The following ADIPOR2 variants were observed in gnomAD, a reference collection of about 807,000 sequenced individuals.
ADIPOR2 encodes the protein adiponectin receptor protein 2.
A neutral mutation model predicts 40.9 loss-of-function variants in ADIPOR2; 18 were observed. The observed-to-expected ratio is 0.44, with a 90% confidence interval of 0.30 to 0.65. The LOEUF (loss-of-function observed/expected upper bound fraction) is 0.65, where lower values mean the gene tolerates loss of function less well. ADIPOR2 is among the 30% of genes least tolerant of loss of function. ADIPOR2 has a pLI of 0.09. For missense variants in ADIPOR2, 283 were observed against 479.2 expected (o/e 0.59, Z 3.82); for synonymous variants, 165 against 166.4 (o/e 0.99, Z 0.06).
chr12:1,770,487 G>A (rs561727968), intron 2 of ADIPOR2, among the ~76,000 whole-genome samples: 57 of 151,968 alleles, frequency 3.8e-4, no homozygotes, highest in South Asian at 3.7e-3. Context: ...TTTTAAAATC[G>A]GTCTGCTATA....
intron 1 of ADIPOR2, among the ~76,000 whole-genome samples, chr12:1,718,834 AGGGTGATAAGCTAGGAC>A (rs2094692555): frequency 6.6e-6 from 1 of 152,164 alleles, no homozygotes; most frequent in Admixed American, 6.5e-5. Context: ...CTAGTGGGGT[AGGGTGATAAGCTAGGAC>A]GGGTTCCTTG....
chr12:1,699,846 A>G (rs1050418590), intron 1 of ADIPOR2, among the ~76,000 whole-genome samples: 1 of 152,218 alleles, frequency 6.6e-6, no homozygotes, highest in Non-Finnish European at 1.5e-5. Context: ...GGATTTGTTT[A>G]ACATTACTTA....
At chr12:1,780,765 A>G (rs1210933621) in intron 5 of ADIPOR2, 124 bp from the exon 6 acceptor site, 9 of 1,364,100 alleles carry the variant, frequency 6.6e-6, no homozygotes, top group South Asian at 1.5e-5. Flanking sequence ...TAAAAATTAA[A>G]GAGCAACCCA....
chr12:1,712,313 A>G (rs2154441802), intron 1 of ADIPOR2, among the ~76,000 whole-genome samples: 1 of 152,284 alleles, frequency 6.6e-6, no homozygotes, highest in African/African-American at 2.4e-5. Context: ...CTCAAGGAGT[A>G]GCACCTGGTA....
chr12:1,741,983 A>G (rs1332414398), intron 1 of ADIPOR2, among the ~76,000 whole-genome samples: 1 of 150,882 alleles, frequency 6.6e-6, no homozygotes, highest in East Asian at 2.0e-4. Context: ...TATTACCTCT[A>G]GGCTGGACTT....
At chr12:1,748,483 T>A (rs868499831) in intron 1 of ADIPOR2, among the ~76,000 whole-genome samples, 1 of 151,958 alleles carries the variant, frequency 6.6e-6, no homozygotes, top group South Asian at 2.1e-4. Flanking sequence ...CTCCTGACCT[T>A]GTGATCTGCC....
At chr12:1,747,425 T>C (rs2094758055) in intron 1 of ADIPOR2, among the ~76,000 whole-genome samples, 1 of 152,098 alleles carries the variant, frequency 6.6e-6, no homozygotes, top group African/African-American at 2.4e-5. Flanking sequence ...GGGGTTGCAA[T>C]ATATATATCA....
chr12:1,728,815 G>A (rs1378959266), intron 1 of ADIPOR2, among the ~76,000 whole-genome samples: 1 of 152,098 alleles, frequency 6.6e-6, no homozygotes, highest in African/African-American at 2.4e-5. Flanking sequence ...AATTTTCTGT[G>A]TTAGTAGAAT....
At chr12:1,733,943 C>CT (rs951656535) in intron 1 of ADIPOR2, among the ~76,000 whole-genome samples, 2 of 152,064 alleles carry the variant, frequency 1.3e-5, no homozygotes, top group African/African-American at 4.8e-5. Context: ...TGAACACATC[C>CT]TTTTTTATGG....
intron 2 of ADIPOR2, among the ~76,000 whole-genome samples, chr12:1,763,578 CTTTA>C (rs1045685595): frequency 7.4e-5 from 11 of 148,310 alleles, no homozygotes; most frequent in African/African-American, 2.8e-4. Context: ...GTTAATCTTT[CTTTA>C]TTTCTTTTTG....
intron 1 of ADIPOR2, among the ~76,000 whole-genome samples, chr12:1,733,269 A>G (rs944257158): frequency 5.9e-5 from 9 of 152,216 alleles, no homozygotes; most frequent in African/African-American, 2.2e-4. Context: ...TCTTAGGTAC[A>G]GGTAGCTAAC....
rs1375982747 is a variant in ADIPOR2, at chr12:1,786,122, T to G, written c.*50T>G. 6 of 1,585,172 alleles carry G rather than the reference T, an allele frequency of 3.8e-6. No individual in the cohort carries two copies. In the East Asian group the frequency reaches 1.3e-4, roughly 35 times the overall value. Reference sequence around the variant, plus strand: ...GACCCTAAACCAGGGCCTGCGGCACTTGCGGGCCTCCCTGCTGGCTACTGA... The same window carrying G: ...GACCCTAAACCAGGGCCTGCGGCACGTGCGGGCCTCCCTGCTGGCTACTGA... On this transcript the variant is annotated 3_prime_UTR_variant, in exon 8 of 8. Coordinates refer to ENST00000357103, the MANE Select transcript of ADIPOR2 (RefSeq NM_024551.3).
intron 2 of ADIPOR2, chr12:1,757,912 T>C: frequency 1.2e-6 from 1 of 845,526 alleles, no homozygotes; most frequent in Non-Finnish European, 2.1e-6. Flanking sequence ...TTGTGGGGAC[T>C]AGTGGATGGA....
Position 1,713,322 on chromosome 12 carries a change from A to G in ADIPOR2, c.-87+22131A>G, listed in dbSNP as rs549296406. Among the ~76,000 whole-genome samples the G allele has an allele frequency of 7.2e-5, 11 of 152,246 alleles. No individual in the cohort carries two copies. In the South Asian group the frequency reaches 2.1e-3, roughly 29 times the overall value. The stretch of plus-strand genomic sequence containing the variant: ...GAATTACTGCTTCATTGATGAGTCT[A>G]AGATCTTGCACTAGTCTCCACTGAC... On this transcript the variant is annotated intron_variant, in intron 1 of 7. Coordinates refer to ENST00000357103, the MANE Select transcript of ADIPOR2 (RefSeq NM_024551.3).
At chr12:1,769,214 A>T (rs1211321714) in intron 2 of ADIPOR2, among the ~76,000 whole-genome samples, 1 of 152,244 alleles carries the variant, frequency 6.6e-6, no homozygotes, top group Non-Finnish European at 1.5e-5. Flanking sequence ...TATAGCGTCT[A>T]GCATAGTCTT....
chr12:1,699,715 A>T (rs1283636958), intron 1 of ADIPOR2, among the ~76,000 whole-genome samples: 2 of 152,250 alleles, frequency 1.3e-5, no homozygotes, highest in Non-Finnish European at 2.9e-5. Flanking sequence ...CTCATCTTTC[A>T]ACTCTAAGAT....
At chr12:1,722,135 A>G (rs561829990) in intron 1 of ADIPOR2, among the ~76,000 whole-genome samples, 1 of 152,200 alleles carries the variant, frequency 6.6e-6, no homozygotes, top group Non-Finnish European at 1.5e-5. Context: ...GTATTAGTAT[A>G]GGTGAGAGGT....
At chr12:1,722,823 T>C (rs1178219151) in intron 1 of ADIPOR2, among the ~76,000 whole-genome samples, 3 of 152,214 alleles carry the variant, frequency 2.0e-5, no homozygotes, top group Non-Finnish European at 4.4e-5. Flanking sequence ...ATGAGAGTCC[T>C]TAGTTTAGGG....
chr12:1,696,622 C>T (rs1377207940), intron 1 of ADIPOR2: 1 of 152,320 alleles, frequency 6.6e-6, no homozygotes, highest in Non-Finnish European at 1.5e-5. Context: ...TCTTGAACTC[C>T]TGGCCTCGAG....
Sources: allele counts gnomAD v4.1 joint callset (sites outside exome capture counted in the v4.1 genomes callset), GRCh38; gene constraint gnomAD v4.1.1; transcripts MANE v1.5; gene names NCBI Gene and HGNC (gene_info 2026-07-23, HGNC 2026-07-21).